Variants in ITFG1 observed in about 807,000 individuals in gnomAD.
ITFG1 encodes T-cell immunomodulatory protein.
A neutral mutation model predicts 81.8 loss-of-function variants in ITFG1; 34 were observed. The ratio of observed to expected loss-of-function variants is 0.42; its 90% CI spans 0.32 to 0.55. The LOEUF (loss-of-function observed/expected upper bound fraction) is 0.55. Ranked by LOEUF, ITFG1 falls within the 20% of genes least tolerant of loss-of-function variation. ITFG1 has a pLI of 0.17. For missense variants in ITFG1, 672 were observed against 755.4 expected, an observed-to-expected ratio of 0.89 and a Z score of 1.29; for synonymous variants, 285 against 270.6, an observed-to-expected ratio of 1.05 and a Z score of -0.52.
rs1288419856 is a variant in ITFG1 at position 47,444,899 on chromosome 16, A to T, written c.560+6497T>A. On this transcript the variant is annotated intron_variant, in intron 5 of 17. Coordinates refer to ENST00000320640, the MANE Select transcript of ITFG1 (RefSeq NM_030790.5). ...TGCTTTTTGGAAATTGGTTTTTCTT[A>T]CAGATGCTCTCTTTTCTTTGCTCTC... Among the ~76,000 whole-genome samples, 3 of 152,220 alleles carry T rather than the reference A, an allele frequency of 2.0e-5. No homozygotes were observed. The South Asian group carries it at 6.2e-4, about 32-fold the overall frequency.
chr16:47,447,925 C>T (rs1329832242), intron 5 of ITFG1, among the ~76,000 whole-genome samples: 5 of 152,100 alleles, frequency 3.3e-5, no homozygotes, highest in African/African-American at 9.7e-5. Flanking sequence ...GAAAAAAATA[C>T]CTGATCTCTC....
At chr16:47,324,442 A>T (rs1967498611) in intron 8 of ITFG1, among the ~76,000 whole-genome samples, 1 of 152,180 alleles carries the variant, frequency 6.6e-6, no homozygotes, top group South Asian at 2.1e-4. Context: ...CAAGCAAAAT[A>T]GCCAGCTAAC....
chr16:47,438,043 C>T (rs2151613012), intron 5 of ITFG1, among the ~76,000 whole-genome samples: 1 of 152,346 alleles, frequency 6.6e-6, no homozygotes, highest in Admixed American at 6.5e-5. Context: ...ACATCCTGCA[C>T]CTGGCTCGGA....
At position 47,320,294 on chromosome 16, in the gene ITFG1, C is replaced by A. The variant is rs192453072; in HGVS notation, c.803-6471G>T. The stretch of plus-strand genomic sequence containing the variant: ...CCCTTTCAAAATTAAGAAAATTATT[C>A]TTTTATCTGTGATTTACTAATATTT... On this transcript the variant is annotated intron_variant, in intron 8 of 17. Coordinates refer to ENST00000320640, the MANE Select transcript of ITFG1 (RefSeq NM_030790.5). Among the ~76,000 whole-genome samples the A allele has an allele frequency of 8.3e-4, 127 of 152,178 alleles. 1 individual carries two copies. Among genetic ancestry groups the A allele is most frequent in the African/African-American group, 2.9e-3 (121 of 41,524 alleles).
chr16:47,168,084 G>A (rs929077881), intron 14 of ITFG1, among the ~76,000 whole-genome samples: 5 of 152,160 alleles, frequency 3.3e-5, no homozygotes, highest in African/African-American at 1.2e-4. Flanking sequence ...CAGCCTTGCT[G>A]ACATGTCATT....
intron 14 of ITFG1, 113 bp downstream of exon 14, chr16:47,218,755 A>AAAAAACTAGG: frequency 4.1e-6 from 2 of 484,000 alleles, no homozygotes; most frequent in Non-Finnish European, 7.1e-6. Flanking sequence ...AGTATAATAA[A>AAAAAACTAGG]AGTGAAGATG....
Position 47,391,756 on chromosome 16 carries a change from G to C in ITFG1, c.656-15816C>G, listed in dbSNP as rs370731408. On this transcript the variant is annotated intron_variant, in intron 6 of 17. Transcript: ENST00000320640. ...ATCTTGTTAGATTACTGAAGGATTT[G>C]GTTATTAAATTATTTTCTGCCCACT... 3.3e-5 allele frequency among the ~76,000 whole-genome samples: 5 copies of C among 152,142 alleles called. No homozygotes were observed. The East Asian group carries it at 7.7e-4, about 23-fold the overall frequency.
chr16:47,407,763 T>C (rs1203583644), intron 6 of ITFG1, among the ~76,000 whole-genome samples: 1 of 152,184 alleles, frequency 6.6e-6, no homozygotes, highest in Non-Finnish European at 1.5e-5. Flanking sequence ...AAAAATAGTC[T>C]GAACTGTCTA....
intron 14 of ITFG1, among the ~76,000 whole-genome samples, chr16:47,176,637 C>T (rs1157342559): frequency 6.6e-6 from 1 of 152,152 alleles, no homozygotes; most frequent in Non-Finnish European, 1.5e-5. Context: ...TATATTGTCA[C>T]ATCTGCCTTG....
intron 6 of ITFG1, among the ~76,000 whole-genome samples, chr16:47,417,371 C>T (rs968869607): frequency 4.6e-5 from 7 of 152,180 alleles, no homozygotes; most frequent in African/African-American, 1.7e-4. Flanking sequence ...GGACATCTAT[C>T]ATCTTGAATA....
chr16:47,433,237 C>T (rs1277001041), intron 5 of ITFG1, among the ~76,000 whole-genome samples: 2 of 152,174 alleles, frequency 1.3e-5, no homozygotes, highest in Admixed American at 1.3e-4. Context: ...AGACCATCAG[C>T]CAAATTGAGC....
At chr16:47,181,111 C>T (rs963867847) in intron 14 of ITFG1, among the ~76,000 whole-genome samples, 8 of 149,320 alleles carry the variant, frequency 5.4e-5, no homozygotes, top group Non-Finnish European at 1.0e-4. Context: ...TCTGCCCGGC[C>T]GCCCATCGTC....
At chr16:47,159,441 T>C (rs1332368274) in intron 16 of ITFG1, among the ~76,000 whole-genome samples, 1 of 152,184 alleles carries the variant, frequency 6.6e-6, no homozygotes, top group African/African-American at 2.4e-5. Flanking sequence ...GTCACATATA[T>C]AATGTGACCA....
Position 47,454,104 on chromosome 16 carries a change from A to T in ITFG1, c.336T>A (p.Ser112=). The T allele has an allele frequency of 6.2e-7, 1 of 1,604,344 alleles. No individual in the cohort carries two copies. The highest frequency in any genetic ancestry group is 8.5e-7 in the Non-Finnish European group (1 of 1,171,490). ...SVVPGDYDGD[S]QMDVLLTYLP... ...GATATGTCAGAAGGACATCCATTTG[A>T]GAATCTCCATCATAATCCCCAGGGA... The change falls in exon 3 of 18, where the codon TCT becomes TCA. Residue 112 remains serine (S), a synonymous_variant. Transcript: ENST00000320640.
chr16:47,268,776 T>C (rs1266806185), intron 10 of ITFG1, among the ~76,000 whole-genome samples: 1 of 152,232 alleles, frequency 6.6e-6, no homozygotes, highest in Non-Finnish European at 1.5e-5. Context: ...TCTTGCAAAG[T>C]GAACACTGTA....
At chr16:47,456,246 A>G (rs985438246) in intron 2 of ITFG1, among the ~76,000 whole-genome samples, 1 of 152,200 alleles carries the variant, frequency 6.6e-6, no homozygotes, top group South Asian at 2.1e-4. Flanking sequence ...GCACATCATC[A>G]TGAAATCAGA....
At chr16:47,434,919 A>G (rs1969145600) in intron 5 of ITFG1, among the ~76,000 whole-genome samples, 1 of 152,232 alleles carries the variant, frequency 6.6e-6, no homozygotes, top group Non-Finnish European at 1.5e-5. Context: ...GCAAACTGAC[A>G]CAGGAACAGA....
intron 14 of ITFG1, among the ~76,000 whole-genome samples, chr16:47,191,392 GTT>G (rs752005466): frequency 7.0e-6 from 1 of 143,014 alleles, no homozygotes; most frequent in African/African-American, 2.6e-5. Flanking sequence ...AACATCATGA[GTT>G]TTTTTTTTTT....
At chr16:47,296,893 T>C (rs935238486) in intron 10 of ITFG1, among the ~76,000 whole-genome samples, 5 of 152,230 alleles carry the variant, frequency 3.3e-5, no homozygotes, top group African/African-American at 1.2e-4. Flanking sequence ...CATGTTCCGA[T>C]GAGAAGAATT....
Sources: gnomAD v4.1 joint callset for allele counts (sites outside exome capture counted in the v4.1 genomes callset) on GRCh38, gnomAD v4.1.1 for gene constraint, MANE v1.5 for transcripts, NCBI Gene and HGNC (gene_info 2026-07-23, HGNC 2026-07-21) for gene names.